AP2B1: variants seen among roughly 807,000 people sequenced by gnomAD.
AP2B1 encodes the protein adaptor related protein complex 2 subunit beta 1.
AP2B1 carries 23 observed loss-of-function variants against 102.0 expected under a neutral mutation model. The observed-to-expected ratio is 0.23, with a 90% CI of 0.16 to 0.32. The LOEUF is 0.32. Among genes scored for constraint, AP2B1 ranks in the 10% least tolerant of loss-of-function variants. AP2B1 has a pLI of 1.00. For missense variants in AP2B1, 541 were observed against 1,157.4 expected (o/e 0.47, Z 7.73); for synonymous variants, 381 against 421.2 (o/e 0.90, Z 1.17).
chr17:35,700,273 C>CACT (rs1163409341), intron 18 of AP2B1, among the ~76,000 whole-genome samples: 1 of 151,484 alleles, frequency 6.6e-6, no homozygotes, highest in African/African-American at 2.4e-5. Flanking sequence ...AAAAACCTGT[C>CACT]ACTCCGAGCC....
intron 5 of AP2B1, among the ~76,000 whole-genome samples, chr17:35,612,253 C>T (rs1397618777): frequency 1.3e-5 from 2 of 152,076 alleles, no homozygotes; most frequent in South Asian, 4.1e-4. Context: ...TTCTCAGGTG[C>T]GAACTCTGTA....
intron 12 of AP2B1, among the ~76,000 whole-genome samples, chr17:35,645,221 C>T (rs116190005): frequency 3.9e-3 from 589 of 152,114 alleles, no homozygotes; most frequent in African/African-American, 0.013. Flanking sequence ...TATGTGCTGC[C>T]GAAGCGAGCA....
intron 6 of AP2B1, among the ~76,000 whole-genome samples, chr17:35,626,355 G>A (rs1006537572): frequency 1.3e-5 from 2 of 152,046 alleles, no homozygotes; most frequent in Non-Finnish European, 2.9e-5. Context: ...AGTGTCTTGG[G>A]TATTGCTAGG....
At chr17:35,703,402 C>G (rs7221081) in intron 18 of AP2B1, among the ~76,000 whole-genome samples, 73,068 of 151,944 alleles carry the variant, frequency 0.48, 17,673 homozygotes, top group East Asian at 0.52. Flanking sequence ...CAGCACTATT[C>G]ACAATAGCAA....
chr17:35,650,150 A>G (rs927472689), intron 12 of AP2B1, among the ~76,000 whole-genome samples: 5 of 151,954 alleles, frequency 3.3e-5, no homozygotes, highest in African/African-American at 9.7e-5. Context: ...GGGTTTCGCT[A>G]TGTTGGCCAG....
rs1195616703 is a variant in AP2B1, at chr17:35,656,879, C to T, written c.1797-720C>T. Among the ~76,000 whole-genome samples the T allele has an allele frequency of 8.2e-5, 6 of 72,728 alleles. No homozygotes were observed. The East Asian group carries it at 1.4e-3, about 17-fold the overall frequency. The allele number at this position is 72,728 out of a possible 152,430, so 47.7% of individuals were successfully genotyped here. Reference sequence around the variant, plus strand: ...CAGCCTGGGCGACAGAGCGAGACTCCGTCTCAAAAAAAAAAAAAAAATCAA... The same window carrying T: ...CAGCCTGGGCGACAGAGCGAGACTCTGTCTCAAAAAAAAAAAAAAAATCAA... On this transcript the variant is annotated intron_variant, in intron 13 of 21. Coordinates refer to ENST00000610402, the MANE Select transcript of AP2B1 (RefSeq NM_001030006.2).
intron 2 of AP2B1, among the ~76,000 whole-genome samples, chr17:35,596,111 C>T (rs1014751185): frequency 2.6e-5 from 4 of 152,188 alleles, no homozygotes; most frequent in Admixed American, 1.3e-4. Context: ...AGAACTGCCA[C>T]TGAAACATAT....
chr17:35,690,917 G>A (rs587755600), intron 18 of AP2B1, among the ~76,000 whole-genome samples: 4 of 152,098 alleles, frequency 2.6e-5, no homozygotes, highest in South Asian at 4.2e-4. Context: ...TCCTTCCTGC[G>A]ATACAACTTT....
At chr17:35,614,377 G>A (rs1447952480) in intron 5 of AP2B1, among the ~76,000 whole-genome samples, 1 of 151,924 alleles carries the variant, frequency 6.6e-6, no homozygotes, top group African/African-American at 2.4e-5. Flanking sequence ...TTTTTGTAGA[G>A]ATGGATCTTG....
In AP2B1 at chr17:35,709,220, G is replaced by A; in HGVS notation, c.2455-4G>A. 6.2e-7 allele frequency: 1 copy of A among 1,613,856 alleles called. No individual in the cohort carries two copies. ...CTCATTTGACCTTGTTGCTTTCCTG[G>A]CAGGTGGCTGTGAAAAACAATATCG... On this transcript the variant is annotated splice_polypyrimidine_tract_variant and splice_region_variant and intron_variant, in intron 18 of 21. Coordinates refer to ENST00000610402, the MANE Select transcript of AP2B1 (RefSeq NM_001030006.2).
intron 18 of AP2B1, among the ~76,000 whole-genome samples, chr17:35,698,974 G>A (rs1020675730): frequency 1.3e-5 from 2 of 152,124 alleles, no homozygotes; most frequent in African/African-American, 4.8e-5. Context: ...AATCTTTAGT[G>A]TTCTGAAGAT....
At chr17:35,696,418 T>G (rs1392299469) in intron 18 of AP2B1, among the ~76,000 whole-genome samples, 1 of 150,708 alleles carries the variant, frequency 6.6e-6, no homozygotes, top group Non-Finnish European at 1.5e-5. Context: ...AAGTTCTTTT[T>G]TTTTTTTTTT....
chr17:35,612,496 T>A (rs2073892080), intron 5 of AP2B1, among the ~76,000 whole-genome samples: 1 of 152,230 alleles, frequency 6.6e-6, no homozygotes, highest in South Asian at 2.1e-4. Flanking sequence ...CTGTATTCCC[T>A]ACTTATTACC....
rs538517585 is a variant in AP2B1 at position 35,650,059 on chromosome 17, C to T, written c.1537-471C>T. Among the ~76,000 whole-genome samples, 315 of 152,262 alleles carry T rather than the reference C, an allele frequency of 2.1e-3. 2 individuals carry two copies. The highest frequency in any genetic ancestry group is 7.2e-3 in the African/African-American group (298 of 41,534). ...CTGCCTCCTGGGTTCAAGCTATTCT[C>T]CTGCCTCAGCCTCCTGAGTAGCTGG... On this transcript the variant is annotated intron_variant, in intron 12 of 21. Transcript: ENST00000610402.
rs955419712 is a variant in AP2B1, at chr17:35,648,471, C to A, written c.1537-2059C>A. The stretch of plus-strand genomic sequence containing the variant: ...GCAGAGGTTGCAGTGAGCCGAGATA[C>A]GCCACTGTACTCCAGCCTGGGTGAC... On this transcript the variant is annotated intron_variant, in intron 12 of 21. Transcript: ENST00000610402. 3.9e-5 allele frequency among the ~76,000 whole-genome samples: 6 copies of A among 151,948 alleles called. No homozygotes were observed. The East Asian group carries it at 1.2e-3, about 29-fold the overall frequency.
chr17:35,595,415 T>C (rs1034170749), intron 2 of AP2B1, among the ~76,000 whole-genome samples: 7 of 151,930 alleles, frequency 4.6e-5, no homozygotes, highest in Non-Finnish European at 1.0e-4. Context: ...TGTACGGTGG[T>C]GCACACCTGT....
chr17:35,621,051 T>A (rs2074161997), intron 5 of AP2B1, among the ~76,000 whole-genome samples: 1 of 152,202 alleles, frequency 6.6e-6, no homozygotes, highest in Admixed American at 6.5e-5. Flanking sequence ...AGGGTTGGAT[T>A]TGTTCTTTTG....
At chr17:35,688,201 G>T (rs1201861333) in intron 18 of AP2B1, among the ~76,000 whole-genome samples, 2 of 152,062 alleles carry the variant, frequency 1.3e-5, no homozygotes, top group African/African-American at 4.8e-5. Context: ...TCCCTCTTTT[G>T]ATGAAACACA....
chr17:35,649,848 A>G (rs2075041348), intron 12 of AP2B1, among the ~76,000 whole-genome samples: 1 of 151,940 alleles, frequency 6.6e-6, no homozygotes, highest in Admixed American at 6.5e-5. Context: ...TGCAGCCTCA[A>G]CCTCCTGGGC....
Sources: allele counts gnomAD v4.1 joint callset (sites outside exome capture counted in the v4.1 genomes callset), GRCh38; gene constraint gnomAD v4.1.1; transcripts MANE v1.5; gene names NCBI Gene and HGNC (gene_info 2026-07-23, HGNC 2026-07-21).